DOP1B: variants seen among roughly 807,000 people sequenced by gnomAD.
DOP1B encodes protein DOP1B.
A neutral mutation model predicts 233.5 loss-of-function variants in DOP1B; 174 were observed. The observed-to-expected ratio is 0.75, with a 90% CI of 0.66 to 0.85. The LOEUF is 0.85. Among genes scored for constraint, DOP1B ranks in the 40% least tolerant of loss-of-function variants. DOP1B has a pLI of 0.00. For missense variants in DOP1B, 2,652 were observed against 2,846.6 expected (o/e 0.93, Z 1.56); for synonymous variants, 1,190 against 1,185.6 (o/e 1.00, Z -0.08).
At chr21:36,169,243 G>A in intron 2 of DOP1B, 1 of 921,176 alleles carries the variant, frequency 1.1e-6, no homozygotes, top group Non-Finnish European at 1.8e-6. Context: ...GAAGGTCGAT[G>A]CTCTTGTCAG....
intron 2 of DOP1B, among the ~76,000 whole-genome samples, chr21:36,195,182 A>T (rs2066275913): frequency 6.6e-6 from 1 of 152,072 alleles, no homozygotes; most frequent in Non-Finnish European, 1.5e-5. Context: ...TCTACTAAAA[A>T]ATACAAAAAT....
intron 24 of DOP1B, chr21:36,261,048 A>C: frequency 9.2e-7 from 1 of 1,085,264 alleles, no homozygotes; most frequent in Non-Finnish European, 1.1e-6. Context: ...CATATAGGGA[A>C]GTGTTAAAGA....
chr21:36,171,646 C>G (rs1039420472), intron 2 of DOP1B, among the ~76,000 whole-genome samples: 2 of 152,188 alleles, frequency 1.3e-5, no homozygotes, highest in South Asian at 2.1e-4. Flanking sequence ...AAACTCCTAG[C>G]AGCGGGGGGA....
chr21:36,189,869 G>T (rs1365399015), intron 2 of DOP1B, among the ~76,000 whole-genome samples: 1 of 151,506 alleles, frequency 6.6e-6, no homozygotes, highest in African/African-American at 2.4e-5. Flanking sequence ...AGTTAGCTGG[G>T]CGTGGTGGCA....
rs183315819 is a variant in DOP1B at position 36,195,739 on chromosome 21, T to C, written c.139-3331T>C. On this transcript the variant is annotated intron_variant, in intron 2 of 36. Coordinates refer to ENST00000691173, the MANE Select transcript of DOP1B (RefSeq NM_001320714.2). ...GTGGTTGTGGTTCCTTGCAATTGCG[T>C]TCATATGAAAAGAGATCTATCAGTC... 1.6e-3 allele frequency among the ~76,000 whole-genome samples: 251 copies of C among 152,336 alleles called. 1 individual carries two copies. Among genetic ancestry groups the C allele is most frequent in the Non-Finnish European group, 2.9e-3 (195 of 68,036 alleles).
At chr21:36,288,178 G>A in intron 33 of DOP1B, 28 bp downstream of exon 33, 1 of 1,593,498 alleles carries the variant, frequency 6.3e-7, no homozygotes, top group Non-Finnish European at 8.5e-7. Context: ...AAGTTTGAAA[G>A]CAAGGTTGGA....
intron 1 of DOP1B, among the ~76,000 whole-genome samples, chr21:36,163,283 G>T (rs987271463): frequency 2.7e-5 from 4 of 148,628 alleles, no homozygotes; most frequent in Non-Finnish European, 5.9e-5. Flanking sequence ...AGCAGAGGTT[G>T]CAGTGAGCCA....
At chr21:36,222,882 T>C (rs773425154) in intron 10 of DOP1B, among the ~76,000 whole-genome samples, 4 of 152,002 alleles carry the variant, frequency 2.6e-5, no homozygotes, top group Non-Finnish European at 4.4e-5. Flanking sequence ...ATTACAGGTA[T>C]CCGCCATCAT....
At chr21:36,244,180 C>T (rs2066926898) in intron 18 of DOP1B, among the ~76,000 whole-genome samples, 1 of 151,854 alleles carries the variant, frequency 6.6e-6, no homozygotes, top group African/African-American at 2.4e-5. Flanking sequence ...CGCACCACCA[C>T]GTCCAGCTAA....
At chr21:36,193,005 A>G (rs555036369) in intron 2 of DOP1B, among the ~76,000 whole-genome samples, 2 of 152,230 alleles carry the variant, frequency 1.3e-5, no homozygotes, top group East Asian at 3.9e-4. Context: ...CATTCTTTAG[A>G]ACAAGGAAAT....
chr21:36,227,123 G>C (rs1208343940), intron 12 of DOP1B, among the ~76,000 whole-genome samples: 6 of 151,620 alleles, frequency 4.0e-5, no homozygotes, highest in Non-Finnish European at 7.4e-5. Context: ...CAGGAGAATG[G>C]TGTGAACCTG....
Position 36,237,324 on chromosome 21 carries a change from C to G in DOP1B, c.2685C>G (p.Cys895Trp), listed in dbSNP as rs369655282. 1.9e-6 allele frequency: 3 copies of G among 1,614,070 alleles called. No homozygotes were observed. Among genetic ancestry groups the G allele is most frequent in the Admixed American group, 1.7e-5 (1 of 59,998 alleles). Residue 895 changes from cysteine to tryptophan, a missense_variant, in exon 16 of 37, where the codon TGC (cysteine) becomes TGG (tryptophan). Transcript: ENST00000691173. ...AGACCCGGGAGCATCACGTCACCTG[C>G]GTAGAATTGTTCTACCGGCTGCACT... ...NKETREHHVT[C>W]VELFYRLHCL...
At chr21:36,242,658 C>G (rs2066905539) in intron 18 of DOP1B, among the ~76,000 whole-genome samples, 1 of 152,192 alleles carries the variant, frequency 6.6e-6, no homozygotes, top group East Asian at 1.9e-4. Flanking sequence ...GCTGCTTCCT[C>G]TAATCTGTGT....
chr21:36,268,067 G>C (rs751265703), intron 26 of DOP1B, among the ~76,000 whole-genome samples: 4 of 152,130 alleles, frequency 2.6e-5, no homozygotes, highest in East Asian at 1.9e-4. Context: ...AGAAAACAGC[G>C]TTGGAGAGCA....
At chr21:36,278,405 A>G (rs1427517619) in intron 30 of DOP1B, 50 bp downstream of exon 30, 13 of 1,561,138 alleles carry the variant, frequency 8.3e-6, no homozygotes, top group Middle Eastern at 1.8e-4. Flanking sequence ...TCAGGTGGAA[A>G]TGGCATTTTG....
chr21:36,274,645 G>A (rs548733299), intron 27 of DOP1B, among the ~76,000 whole-genome samples: 2 of 152,238 alleles, frequency 1.3e-5, no homozygotes, highest in East Asian at 3.9e-4. Flanking sequence ...AAGTGCAACA[G>A]GAAGGGGCAA....
chr21:36,267,152 A>G lies in DOP1B; in HGVS notation c.5488-2861A>G, dbSNP rs139189846. Among the ~76,000 whole-genome samples, 14 of 152,328 alleles carry G rather than the reference A, an allele frequency of 9.2e-5. No individual in the cohort carries two copies. The East Asian group carries it at 2.1e-3, about 23-fold the overall frequency. On this transcript the variant is annotated intron_variant, in intron 26 of 36. Transcript: ENST00000691173. ...CTCGTAGCTGGTGACACTTGATGAC[A>G]CTGGCTGAGAAGCCTGCTTCGAGTT...
Position 36,267,708 on chromosome 21 carries a change from A to G in DOP1B, c.5488-2305A>G, listed in dbSNP as rs913790478. Among the ~76,000 whole-genome samples the G allele has an allele frequency of 5.0e-5, 6 of 121,062 alleles. No homozygotes were observed. In the Admixed American group the frequency reaches 5.7e-4, roughly 12 times the overall value. The allele number at this position is 121,062 out of a possible 152,430, so 79.4% of individuals were successfully genotyped here. A position where few individuals can be genotyped will look rare whatever the true frequency, so the allele number is the denominator to read the frequency against. Reference sequence around the variant, plus strand: ...CAGTATTTCAATGTAGGTTCTTTCTATTTTCCGTAAGTGTCGGCCGGCTGA... The same window carrying G: ...CAGTATTTCAATGTAGGTTCTTTCTGTTTTCCGTAAGTGTCGGCCGGCTGA... On this transcript the variant is annotated intron_variant, in intron 26 of 36. Coordinates refer to ENST00000691173, the MANE Select transcript of DOP1B (RefSeq NM_001320714.2).
chr21:36,176,334 A>G (rs999746100), intron 2 of DOP1B, among the ~76,000 whole-genome samples: 5 of 151,790 alleles, frequency 3.3e-5, no homozygotes, highest in African/African-American at 9.7e-5. Flanking sequence ...TGCACTCCTT[A>G]TCCCTGCTGG....
Sources: allele counts gnomAD v4.1 joint callset (sites outside exome capture counted in the v4.1 genomes callset), GRCh38; gene constraint gnomAD v4.1.1; transcripts MANE v1.5; gene names NCBI Gene and HGNC (gene_info 2026-07-23, HGNC 2026-07-21).